SFRP4: variants seen among roughly 807,000 people sequenced by gnomAD.
SFRP4 encodes the protein secreted frizzled-related protein 4.
Under a neutral mutation model 36.3 loss-of-function variants are expected in SFRP4, and 25 were observed. That is an observed-to-expected ratio of 0.69 (90% confidence interval 0.50 to 0.96). SFRP4 has a LOEUF of 0.96. Ranked by LOEUF, SFRP4 falls within the 40% of genes least tolerant of loss-of-function variation. The pLI, the probability that SFRP4 is intolerant of heterozygous loss-of-function variation, is 0.00. For synonymous variants in SFRP4, 182 were observed against 168.8 expected (o/e 1.08, Z -0.60); for missense variants, 487 against 459.6 (o/e 1.06, Z -0.54).
chr7:37,914,753 T>C (rs1785547658), intron 1 of SFRP4, among the ~76,000 whole-genome samples: 1 of 152,104 alleles, frequency 6.6e-6, no homozygotes, highest in Admixed American at 6.5e-5. Flanking sequence ...TAATCCCAGC[T>C]ACTCTAGAGG....
In SFRP4 at chr7:37,914,230, C is replaced by T; in HGVS notation, c.575G>A (p.Ser192Asn). The T allele has an allele frequency of 6.2e-7, 1 of 1,613,910 alleles. No homozygotes were observed. Among genetic ancestry groups the T allele is most frequent in the Non-Finnish European group, 8.5e-7 (1 of 1,179,816 alleles). ...KVKPTLATYL[S>N]KNYSYVIHAK... ...CGACTTACCATAGCTGTAGTTTTTGCTGAGATACGTTGCCAAAGTTGGCTT... is the reference window on the plus strand; with the variant it reads ...CGACTTACCATAGCTGTAGTTTTTGTTGAGATACGTTGCCAAAGTTGGCTT... The change falls in exon 3 of 6, where the codon AGC becomes AAC. Residue 192 changes from serine (S) to asparagine (N), a missense_variant. Physicochemically the swap from Ser to Asn is conservative, Grantham distance 46. Transcript: ENST00000436072.
intron 4 of SFRP4, chr7:37,909,957 T>C (rs527906129): frequency 1.2e-4 from 27 of 218,920 alleles, no homozygotes; most frequent in African/African-American, 4.6e-4. Flanking sequence ...TTTAAAAATA[T>C]AATGTTAATA....
chr7:37,911,985 G>A lies in SFRP4; in HGVS notation c.791+134C>T, dbSNP rs1453751930. On this transcript the variant is annotated intron_variant, in intron 4 of 5. Transcript: ENST00000436072. ...TGATAGAATATATGCTATTCAAACA[G>A]AGGCATCTGTTAAACTAATTTTTTT... The A allele has an allele frequency of 1.2e-5, 7 of 566,658 alleles. No homozygotes were observed. In the Admixed American group the frequency reaches 2.2e-4, roughly 18 times the overall value. The allele number at this position is 566,658 out of a possible 1,614,324, so 35.1% of individuals were successfully genotyped here. A position where few individuals can be genotyped will look rare whatever the true frequency, so the allele number is the denominator to read the frequency against.
At chr7:37,914,059 A>G (rs1785535904) in intron 3 of SFRP4, among the ~76,000 whole-genome samples, 154 bp downstream of exon 3, 1 of 152,264 alleles carries the variant, frequency 6.6e-6, no homozygotes, top group Admixed American at 6.5e-5. Context: ...TTATTGTGCC[A>G]TATATTAATA....
chr7:37,910,505 ATAT>A (rs1785471304), intron 4 of SFRP4, among the ~76,000 whole-genome samples: 2 of 152,016 alleles, frequency 1.3e-5, no homozygotes, highest in East Asian at 3.9e-4. Context: ...TATATGTATA[ATAT>A]TATGCAGTCA....
At chr7:37,909,304 C>T (rs373077642) in intron 5 of SFRP4, among the ~76,000 whole-genome samples, 4 of 152,194 alleles carry the variant, frequency 2.6e-5, no homozygotes, top group South Asian at 4.1e-4. Flanking sequence ...ATTAAGTCTG[C>T]TCAAGTATCT....
intron 5 of SFRP4, among the ~76,000 whole-genome samples, 154 bp from the exon 6 acceptor site, chr7:37,907,818 G>A (rs1051716255): frequency 6.6e-6 from 1 of 152,164 alleles, no homozygotes; most frequent in Non-Finnish European, 1.5e-5. Context: ...TCATGTACCA[G>A]GTGACTTGGA....
intron 4 of SFRP4, 40 bp from the exon 5 acceptor site, chr7:37,909,720 A>G (rs553024916): frequency 1.3e-5 from 15 of 1,157,546 alleles, no homozygotes; most frequent in African/African-American, 4.6e-5. Flanking sequence ...TTTTATTACA[A>G]AAGTAAACAG....
Position 37,916,505 on chromosome 7 carries a change from C to G in SFRP4, c.33G>C (p.Leu11=). The change falls in exon 1 of 6, where the codon CTG becomes CTC. Residue 11 remains leucine, a synonymous_variant. Transcript: ENST00000436072. This position sits in a 1 kb window ranked among gnomAD's most constrained non-coding sequence, Gnocchi z 4.1. MFLSILVALC[L]WLHLALGVRG... ...GCACGCCCAGCGCCAGGTGCAGCCA[C>G]AGGCACAGCGCCACTAGGATGGAGA... The G allele has an allele frequency of 6.2e-7, 1 of 1,611,516 alleles. No individual in the cohort carries two copies. Among genetic ancestry groups the G allele is most frequent in the Non-Finnish European group, 8.5e-7 (1 of 1,179,528 alleles).
In SFRP4 at chr7:37,907,228, C is replaced by T; in HGVS notation, c.*251G>A. 2.6e-6 allele frequency: 1 copy of T among 387,938 alleles called. No individual in the cohort carries two copies. The allele number at this position is 387,938 out of a possible 1,614,324, so 24.0% of individuals were successfully genotyped here. ...CACACAGGTTACTCTGAATGCAATG[C>T]AATAAGCCTTTTCCACCAGCTTTAA... On this transcript the variant is annotated 3_prime_UTR_variant, in exon 6 of 6. Coordinates refer to ENST00000436072, the MANE Select transcript of SFRP4 (RefSeq NM_003014.4).
Position 37,916,779 on chromosome 7 carries a change from G to T in SFRP4, c.-242C>A. On this transcript the variant is annotated 5_prime_UTR_variant, in exon 1 of 6. Transcript: ENST00000436072. This position sits in a 1 kb window ranked among gnomAD's most constrained non-coding sequence, Gnocchi z 4.1. ...GCCTTCGGGGCGCGAACCCGCCCGG[G>T]CAGCTCCAGTCCCGGACTCCGCAGC... The T allele has an allele frequency of 1.6e-6, 1 of 606,616 alleles. No homozygotes were observed. The highest frequency in any genetic ancestry group is 2.9e-6 in the Non-Finnish European group (1 of 346,994). The allele number at this position is 606,616 out of a possible 1,614,324, so 37.6% of individuals were successfully genotyped here. A position where few individuals can be genotyped will look rare whatever the true frequency, so the allele number is the denominator to read the frequency against.
chr7:37,907,166 G>C lies in SFRP4; in HGVS notation c.*313C>G, dbSNP rs1211239785. 1 of 217,242 alleles carries C rather than the reference G, an allele frequency of 4.6e-6. No individual in the cohort carries two copies. Among genetic ancestry groups the C allele is most frequent in the Non-Finnish European group, 9.0e-6 (1 of 111,592 alleles). 13.5% of individuals were successfully genotyped at this position (217,242 alleles called of 1,614,324 possible). A position where few individuals can be genotyped will look rare whatever the true frequency, so the allele number is the denominator to read the frequency against. On this transcript the variant is annotated 3_prime_UTR_variant, in exon 6 of 6. Transcript: ENST00000436072. ...TACAATGCACATATTAGGTCGAATT[G>C]TAACAAGCATTATTTTCCCTACTCT... is the stretch of plus-strand genomic sequence containing the variant.
intron 5 of SFRP4, among the ~76,000 whole-genome samples, chr7:37,908,587 T>A (rs376798972): frequency 1.3e-5 from 2 of 152,230 alleles, no homozygotes; most frequent in African/African-American, 4.8e-5. Flanking sequence ...GCTGCCAAAC[T>A]GAATGGTCCC....
rs757991082 is a variant in SFRP4, at chr7:37,907,451, G to A, written c.*28C>T. 1.9e-6 allele frequency: 3 copies of A among 1,595,884 alleles called. No homozygotes were observed. The African/African-American group carries it at 4.0e-5, about 21-fold the overall frequency. ...CCAGCCTCATCCTGTAAGGAAGTCGGAAGTCTCCGCTTTGGAAACTAGTTA... is the reference window on the plus strand; with the variant it reads ...CCAGCCTCATCCTGTAAGGAAGTCGAAAGTCTCCGCTTTGGAAACTAGTTA... On this transcript the variant is annotated 3_prime_UTR_variant, in exon 6 of 6. Coordinates refer to ENST00000436072, the MANE Select transcript of SFRP4 (RefSeq NM_003014.4).
intron 3 of SFRP4, among the ~76,000 whole-genome samples, chr7:37,912,882 T>G (rs766629478): frequency 6.6e-6 from 1 of 152,222 alleles, no homozygotes; most frequent in Non-Finnish European, 1.5e-5. Flanking sequence ...AATGTCACTG[T>G]CTCTGACCAA....
chr7:37,909,732 T>A, intron 4 of SFRP4, 52 bp from the exon 5 acceptor site: 1 of 1,017,688 alleles, frequency 9.8e-7, no homozygotes, highest in Non-Finnish European at 1.5e-6. Context: ...AGTAAACAGC[T>A]AAAAATACAG....
At chr7:37,914,952 T>A (rs990824394) in intron 1 of SFRP4, among the ~76,000 whole-genome samples, 1 of 152,234 alleles carries the variant, frequency 6.6e-6, no homozygotes, top group African/African-American at 2.4e-5. Context: ...TATCCAGGGC[T>A]TAGGAAAGAA....
At position 37,916,238 on chromosome 7, in the gene SFRP4, C is replaced by T. The variant is rs1785573897; in HGVS notation, c.300G>A (p.Val100=). 2 of 1,614,082 alleles carry T rather than the reference C, an allele frequency of 1.2e-6. No homozygotes were observed. Among genetic ancestry groups the T allele is most frequent in the Non-Finnish European group, 1.7e-6 (2 of 1,180,052 alleles). Residue 100 remains valine (V), a synonymous_variant, in exon 1 of 6, where the codon GTG becomes GTA. Transcript: ENST00000436072. The surrounding 1 kb of genome is among the most constrained non-coding windows in gnomAD (Gnocchi z 4.1). ...CGCAGTCGTCGCGCGCGCGTTGGCA[C>T]ACCGACTTGCACGGCTTGATAGGGT... ...LHDPIKPCKS[V]CQRARDDCEP...
intron 5 of SFRP4, among the ~76,000 whole-genome samples, chr7:37,908,582 C>A (rs1785434064): frequency 6.6e-6 from 1 of 152,174 alleles, no homozygotes; most frequent in African/African-American, 2.4e-5. Context: ...AATATGCTGC[C>A]AAACTGAATG....
Sources: allele counts gnomAD v4.1 joint callset (sites outside exome capture counted in the v4.1 genomes callset), GRCh38; gene constraint gnomAD v4.1.1; non-coding constraint Gnocchi (gnomAD v3.1); transcripts MANE v1.5; gene names NCBI Gene and HGNC (gene_info 2026-07-23, HGNC 2026-07-21).